Variants in FGFR2 observed in about 807,000 individuals in gnomAD.
The protein encoded by FGFR2 is BEK fibroblast growth factor receptor.
FGFR2 carries 19 observed loss-of-function variants against 95.9 expected under a neutral mutation model. That is an observed-to-expected ratio of 0.20 (90% CI 0.14 to 0.29). The LOEUF is 0.29. Among genes scored for constraint, FGFR2 ranks in the 10% least tolerant of loss-of-function variants. FGFR2 has a pLI of 1.00. For synonymous variants in FGFR2, 392 were observed against 393.3 expected (o/e 1.00, Z 0.04); for missense variants, 707 against 1,056.9 (o/e 0.67, Z 4.59).
At chr10:121,537,354 T>C (rs536640426) in intron 6 of FGFR2, among the ~76,000 whole-genome samples, 1 of 152,370 alleles carries the variant, frequency 6.6e-6, no homozygotes, top group South Asian at 2.1e-4. Context: ...TCCAATTCCA[T>C]TTAACTTGAC....
chr10:121,495,515 G>C (rs1432572783), intron 13 of FGFR2, among the ~76,000 whole-genome samples: 1 of 152,036 alleles, frequency 6.6e-6, no homozygotes, highest in Non-Finnish European at 1.5e-5. Context: ...TTGAAAGAAA[G>C]AAAAAACCAT....
intron 2 of FGFR2, among the ~76,000 whole-genome samples, chr10:121,592,915 T>G (rs1235804494): frequency 1.3e-5 from 2 of 152,194 alleles, no homozygotes; most frequent in African/African-American, 2.4e-5. Flanking sequence ...CAGATTTCAG[T>G]GCAGCACCAA....
intron 2 of FGFR2, among the ~76,000 whole-genome samples, chr10:121,568,183 C>T (rs961732643): frequency 1.4e-4 from 21 of 152,152 alleles, no homozygotes; most frequent in African/African-American, 5.1e-4. Context: ...ATCTCCCACT[C>T]CCAACATCCT....
intron 9 of FGFR2, among the ~76,000 whole-genome samples, chr10:121,511,079 A>G (rs962227515): frequency 6.6e-6 from 1 of 152,102 alleles, no homozygotes; most frequent in African/African-American, 2.4e-5. Flanking sequence ...TGCTGGGATT[A>G]CAGGCATGAG....
chr10:121,541,922 A>G (rs1853816738), intron 5 of FGFR2, among the ~76,000 whole-genome samples: 1 of 152,220 alleles, frequency 6.6e-6, no homozygotes, highest in Non-Finnish European at 1.5e-5. Flanking sequence ...AAGCTAGCCC[A>G]CAGAAAATAG....
intron 17 of FGFR2, chr10:121,482,051 C>A (rs1016182068): frequency 1.3e-6 from 1 of 773,846 alleles, no homozygotes; most frequent in Non-Finnish European, 2.2e-6. Context: ...GTTGGCCAGG[C>A]TGGTCTGGAA....
chr10:121,569,656 C>G (rs931001809), intron 2 of FGFR2, among the ~76,000 whole-genome samples: 1 of 152,162 alleles, frequency 6.6e-6, no homozygotes, highest in Non-Finnish European at 1.5e-5. Context: ...ATCTAGATAT[C>G]CAAGCTTCAA....
At chr10:121,556,400 T>TCC (rs1013178051) in intron 4 of FGFR2, among the ~76,000 whole-genome samples, 2 of 138,020 alleles carry the variant, frequency 1.4e-5, no homozygotes, top group African/African-American at 2.7e-5. Context: ...TAATCTACTC[T>TCC]CTCTCTCTCT....
chr10:121,548,613 G>A (rs1589946268), intron 5 of FGFR2, among the ~76,000 whole-genome samples: 2 of 152,012 alleles, frequency 1.3e-5, no homozygotes, highest in East Asian at 1.9e-4. Flanking sequence ...AATGATGTCG[G>A]TTCCATTTAT....
intron 1 of FGFR2, 100 bp from the exon 2 acceptor site, chr10:121,594,067 A>T: frequency 1.7e-6 from 1 of 589,260 alleles, no homozygotes; most frequent in Admixed American, 2.9e-5. Context: ...AAATGTGCGC[A>T]AACAGAGTTC....
At chr10:121,529,642 C>T (rs1851833331) in intron 6 of FGFR2, among the ~76,000 whole-genome samples, 1 of 152,162 alleles carries the variant, frequency 6.6e-6, no homozygotes, top group Admixed American at 6.5e-5. Context: ...TTGGGATGGA[C>T]AGAATTCCTG....
At chr10:121,553,251 G>A (rs539569406) in intron 4 of FGFR2, among the ~76,000 whole-genome samples, 14 of 152,326 alleles carry the variant, frequency 9.2e-5, no homozygotes, top group Non-Finnish European at 1.5e-4. Flanking sequence ...CAGGAGAGAA[G>A]AAGAGGAAGG....
intron 13 of FGFR2, 63 bp downstream of exon 13, chr10:121,496,469 T>G: frequency 6.5e-7 from 1 of 1,530,244 alleles, no homozygotes; most frequent in Non-Finnish European, 9.1e-7. Flanking sequence ...CCAAATTGCC[T>G]GTTTTCTTTA....
rs1855495045 is a variant in FGFR2, at chr10:121,552,052, TACTA to T, written c.455-597_455-594del. ...AAAAAAAACTGTATCACTAAATACA[TACTA>T]ACTTTTTTAATTAAAAAAAAAATTT... is the stretch of plus-strand genomic sequence containing the variant. On this transcript the variant is annotated intron_variant, in intron 4 of 17. Coordinates refer to ENST00000358487, the MANE Select transcript of FGFR2 (RefSeq NM_000141.5). Among the ~76,000 whole-genome samples, 6 of 151,896 alleles carry T rather than the reference TACTA, an allele frequency of 4.0e-5. No individual in the cohort carries two copies. In the South Asian group the frequency reaches 6.2e-4, roughly 16 times the overall value.
At chr10:121,502,409 A>G (rs2134031814) in intron 10 of FGFR2, among the ~76,000 whole-genome samples, 1 of 152,342 alleles carries the variant, frequency 6.6e-6, no homozygotes, top group Admixed American at 6.5e-5. Flanking sequence ...TACAGTATAC[A>G]AATCAACTGG....
rs867737544 is a variant in FGFR2, at chr10:121,479,692, C to T, written c.*165G>A. Reference sequence around the variant, plus strand: ...CCTCCTGGGGAAGATTACAAGTTTTCAACTGTATAAATCTTTACACATATG... The same window carrying T: ...CCTCCTGGGGAAGATTACAAGTTTTTAACTGTATAAATCTTTACACATATG... On this transcript the variant is annotated 3_prime_UTR_variant, in exon 18 of 18. Transcript: ENST00000358487. 3 of 1,570,622 alleles carry T rather than the reference C, an allele frequency of 1.9e-6. No homozygotes were observed. The highest frequency in any genetic ancestry group is 2.7e-5 in the African/African-American group (2 of 74,058).
intron 6 of FGFR2, among the ~76,000 whole-genome samples, chr10:121,522,112 G>A (rs189118195): frequency 5.3e-5 from 8 of 152,304 alleles, no homozygotes; most frequent in East Asian, 1.9e-4. Flanking sequence ...AGAGCGGAAC[G>A]GTGGTTGCCA....
At position 121,593,911 on chromosome 10, in the gene FGFR2, T is replaced by C; in HGVS notation, c.-94A>G. ...CTCTACGGGCATGGACTACGCGCAA[T>C]GCCTTCAGCCTGCGGTGGGCTCAGG... On this transcript the variant is annotated 5_prime_UTR_variant, in exon 2 of 18. Transcript: ENST00000358487. 1 of 1,177,102 alleles carries C rather than the reference T, an allele frequency of 8.5e-7. No individual in the cohort carries two copies. Among genetic ancestry groups the C allele is most frequent in the Non-Finnish European group, 1.3e-6 (1 of 787,300 alleles). The allele number at this position is 1,177,102 out of a possible 1,614,324, so 72.9% of individuals were successfully genotyped here. A position where few individuals can be genotyped will look rare whatever the true frequency, so the allele number is the denominator to read the frequency against.
intron 6 of FGFR2, among the ~76,000 whole-genome samples, chr10:121,524,833 A>T (rs985833618): frequency 1.3e-5 from 2 of 152,040 alleles, no homozygotes; most frequent in Non-Finnish European, 2.9e-5. Context: ...CCCACCAGGA[A>T]CCTCCCCGGT....
Sources: gnomAD v4.1 joint callset for allele counts (sites outside exome capture counted in the v4.1 genomes callset) on GRCh38, gnomAD v4.1.1 for gene constraint, MANE v1.5 for transcripts, NCBI Gene and HGNC (gene_info 2026-07-23, HGNC 2026-07-21) for gene names.